The following PARVA variants were observed in gnomAD, a reference collection of about 807,000 sequenced individuals.
PARVA encodes parvin alpha, also known as alpha-parvin.
Under a neutral mutation model 52.6 loss-of-function variants are expected in PARVA, and 25 were observed. The ratio of observed to expected loss-of-function variants is 0.48; its 90% confidence interval spans 0.35 to 0.66. PARVA has a LOEUF of 0.66. PARVA is among the 30% of genes least tolerant of loss of function. PARVA has a pLI of 0.01. For synonymous variants in PARVA, 185 were observed against 179.1 expected (o/e 1.03, Z -0.26); for missense variants, 373 against 450.9 (o/e 0.83, Z 1.56).
At chr11:12,404,685 C>T (rs375216758) in intron 1 of PARVA, among the ~76,000 whole-genome samples, 1 of 152,178 alleles carries the variant, frequency 6.6e-6, no homozygotes, top group African/African-American at 2.4e-5. Context: ...TTTAGGGTAG[C>T]GCGGGTGGCC....
At chr11:12,392,717 T>C (rs1278349543) in intron 1 of PARVA, among the ~76,000 whole-genome samples, 1 of 152,198 alleles carries the variant, frequency 6.6e-6, no homozygotes, top group East Asian at 1.9e-4. Context: ...CATATTTTTC[T>C]TTGTCTTAGG....
chr11:12,462,871 C>T (rs138476433), intron 1 of PARVA, among the ~76,000 whole-genome samples: 2 of 152,282 alleles, frequency 1.3e-5, no homozygotes, highest in East Asian at 3.9e-4. Flanking sequence ...AAACAACCAA[C>T]AACTTTGAGT....
intron 1 of PARVA, among the ~76,000 whole-genome samples, chr11:12,401,946 T>C (rs7952080): frequency 0.066 from 10,069 of 152,240 alleles, 454 homozygotes; most frequent in African/African-American, 0.13. Flanking sequence ...CATCAGAATT[T>C]TCAAGTTCCC....
At chr11:12,406,537 T>A (rs2134969841) in intron 1 of PARVA, among the ~76,000 whole-genome samples, 1 of 152,220 alleles carries the variant, frequency 6.6e-6, no homozygotes, top group South Asian at 2.1e-4. Context: ...GTCATGAACA[T>A]TTTCCCGTAA....
At chr11:12,387,177 A>C (rs2134949302) in intron 1 of PARVA, among the ~76,000 whole-genome samples, 1 of 152,382 alleles carries the variant, frequency 6.6e-6, no homozygotes, top group African/African-American at 2.4e-5. Flanking sequence ...ACTTTTAAAA[A>C]GTATGTGTAA....
chr11:12,487,195 T>G (rs1941171194), intron 4 of PARVA, among the ~76,000 whole-genome samples: 1 of 152,192 alleles, frequency 6.6e-6, no homozygotes, highest in South Asian at 2.1e-4. Context: ...TATGACTCCA[T>G]GAACCCCAGG....
At chr11:12,413,996 G>A (rs1271947394) in intron 1 of PARVA, among the ~76,000 whole-genome samples, 1 of 152,146 alleles carries the variant, frequency 6.6e-6, no homozygotes, top group Non-Finnish European at 1.5e-5. Context: ...ACATTCTCAG[G>A]ACCAGACGTG....
At chr11:12,511,412 T>C (rs1476637544) in intron 7 of PARVA, 102 bp from the exon 8 acceptor site, 4 of 1,244,544 alleles carry the variant, frequency 3.2e-6, no homozygotes, top group African/African-American at 1.5e-5. Context: ...GCAGGCAGCA[T>C]GGGGTGGGCT....
chr11:12,445,034 A>C (rs1564848709), intron 1 of PARVA, among the ~76,000 whole-genome samples: 2 of 152,098 alleles, frequency 1.3e-5, no homozygotes, highest in African/African-American at 4.8e-5. Context: ...GAGGAACTAG[A>C]TTTTTAACCC....
At chr11:12,436,838 A>T (rs752231757) in intron 1 of PARVA, among the ~76,000 whole-genome samples, 3 of 152,204 alleles carry the variant, frequency 2.0e-5, no homozygotes, top group Non-Finnish European at 2.9e-5. Flanking sequence ...TACTGATGAT[A>T]AATTTGGTAT....
chr11:12,380,769 A>G (rs370390228), intron 1 of PARVA, among the ~76,000 whole-genome samples: 1 of 140,126 alleles, frequency 7.1e-6, no homozygotes, highest in East Asian at 1.9e-4. Flanking sequence ...TAGCACAGAC[A>G]CAATGTTCTT....
At chr11:12,423,833 G>A (rs1564843553) in intron 1 of PARVA, among the ~76,000 whole-genome samples, 1 of 152,044 alleles carries the variant, frequency 6.6e-6, no homozygotes, top group Non-Finnish European at 1.5e-5. Context: ...CTTTGTCCTG[G>A]CTTTGATTCA....
intron 4 of PARVA, among the ~76,000 whole-genome samples, chr11:12,481,155 GCATC>G (rs1941081242): frequency 6.6e-6 from 1 of 152,020 alleles, no homozygotes; most frequent in African/African-American, 2.4e-5. Context: ...TCTAGTTTTT[GCATC>G]CATTTAGAAT....
At chr11:12,416,135 G>A (rs1167427518) in intron 1 of PARVA, among the ~76,000 whole-genome samples, 2 of 152,196 alleles carry the variant, frequency 1.3e-5, no homozygotes, top group African/African-American at 2.4e-5. Context: ...TGATGGACTA[G>A]CACAGTTTTA....
intron 1 of PARVA, among the ~76,000 whole-genome samples, chr11:12,470,739 A>G (rs1940922684): frequency 6.6e-6 from 1 of 152,214 alleles, no homozygotes; most frequent in Non-Finnish European, 1.5e-5. Flanking sequence ...AGAGTCTCAT[A>G]GAATAAAACC....
At chr11:12,499,660 A>G (rs752861976) in intron 5 of PARVA, among the ~76,000 whole-genome samples, 2 of 152,076 alleles carry the variant, frequency 1.3e-5, no homozygotes, top group African/African-American at 2.4e-5. Context: ...GGGCATAGAG[A>G]GGTTAAGAAA....
chr11:12,391,559 G>T (rs1323781140), intron 1 of PARVA, among the ~76,000 whole-genome samples: 1 of 152,160 alleles, frequency 6.6e-6, no homozygotes, highest in Non-Finnish European at 1.5e-5. Flanking sequence ...GTGCAGGTTG[G>T]TATCAATGGG....
At chr11:12,517,303 A>ACCCCCC (rs1564869136) in intron 10 of PARVA, among the ~76,000 whole-genome samples, 1 of 112,486 alleles carries the variant, frequency 8.9e-6, no homozygotes, top group African/African-American at 3.5e-5. Context: ...AGCCACACTG[A>ACCCCCC]CCACCCCCCA....
At chr11:12,403,944 A>G (rs1939865512) in intron 1 of PARVA, among the ~76,000 whole-genome samples, 1 of 152,208 alleles carries the variant, frequency 6.6e-6, no homozygotes, top group Admixed American at 6.5e-5. Context: ...CTTTGACAGA[A>G]ATGGAAACAA....
Sources: allele counts gnomAD v4.1 joint callset (sites outside exome capture counted in the v4.1 genomes callset), GRCh38; gene constraint gnomAD v4.1.1; transcripts MANE v1.5; gene names NCBI Gene and HGNC (gene_info 2026-07-23, HGNC 2026-07-21).